LARGE1: variants seen among roughly 807,000 people sequenced by gnomAD.
LARGE1 encodes xylosyl- and glucuronyltransferase LARGE1.
In LARGE1, 43 loss-of-function variants were observed where a neutral mutation model predicts 87.6. That is an observed-to-expected ratio of 0.49 (90% CI 0.38 to 0.63). LARGE1 has a LOEUF of 0.63. LARGE1 is among the 30% of genes least tolerant of loss of function. The pLI, the probability that LARGE1 is intolerant of heterozygous loss-of-function variation, is 0.00. For synonymous variants in LARGE1, 434 were observed against 394.6 expected (o/e 1.10, Z -1.18); for missense variants, 802 against 1,000.2 (o/e 0.80, Z 2.67).
chr22:33,908,620 G>A (rs1362508642), intron 1 of LARGE1, among the ~76,000 whole-genome samples: 1 of 152,138 alleles, frequency 6.6e-6, no homozygotes, highest in Non-Finnish European at 1.5e-5. Flanking sequence ...GTCCCAATAT[G>A]ACAGCTGAAG....
At chr22:33,281,505 T>C (rs1930441790) in intron 13 of LARGE1, among the ~76,000 whole-genome samples, 2 of 152,320 alleles carry the variant, frequency 1.3e-5, no homozygotes, top group East Asian at 3.9e-4. Flanking sequence ...CTGTGTGTCA[T>C]TGGGCAAGTT....
chr22:33,740,979 T>C (rs998074091), intron 2 of LARGE1, among the ~76,000 whole-genome samples: 4 of 151,988 alleles, frequency 2.6e-5, no homozygotes, highest in Non-Finnish European at 2.9e-5. Flanking sequence ...CCCAGAAGAG[T>C]AGGCCTTGTG....
chr22:33,373,581 C>T (rs1173511300), intron 9 of LARGE1, among the ~76,000 whole-genome samples: 6 of 152,096 alleles, frequency 3.9e-5, no homozygotes, highest in African/African-American at 1.4e-4. Flanking sequence ...GTCTTTCTAC[C>T]CTTGAGAAGG....
At chr22:33,581,716 G>C (rs2078523623) in intron 5 of LARGE1, among the ~76,000 whole-genome samples, 1 of 151,622 alleles carries the variant, frequency 6.6e-6, no homozygotes, top group Non-Finnish European at 1.5e-5. Flanking sequence ...GGAAGCTGAG[G>C]CAGGAGAATT....
chr22:33,562,070 G>A (rs1281108533), intron 6 of LARGE1, among the ~76,000 whole-genome samples: 2 of 152,192 alleles, frequency 1.3e-5, no homozygotes, highest in Non-Finnish European at 2.9e-5. Context: ...GGATGTCAAC[G>A]ACAATTGCCT....
At position 33,754,018 on chromosome 22, in the gene LARGE1, C is replaced by T. The variant is rs76194392; in HGVS notation, c.106+7353G>A. Among the ~76,000 whole-genome samples the T allele has an allele frequency of 3.6e-3, 546 of 152,030 alleles. 21 individuals carry two copies. In the East Asian group the frequency reaches 0.076, roughly 21 times the overall value. On this transcript the variant is annotated intron_variant, in intron 2 of 14. Coordinates refer to ENST00000397394, the MANE Select transcript of LARGE1 (RefSeq NM_133642.5). ...CGGAGGTTGCAATGAGCTGAGATTGCGCCACTGCACTCCATCCTGGGCAAT... is the reference window on the plus strand; with the variant it reads ...CGGAGGTTGCAATGAGCTGAGATTGTGCCACTGCACTCCATCCTGGGCAAT...
At chr22:33,703,534 T>A (rs62225377) in intron 2 of LARGE1, among the ~76,000 whole-genome samples, 11,127 of 152,212 alleles carry the variant, frequency 0.073, 444 homozygotes, top group Middle Eastern at 0.12. Flanking sequence ...GATCCCAGAT[T>A]ATCCTGCTGG....
chr22:33,257,403 A>T (rs990343150), intron 11 of LARGE1, among the ~76,000 whole-genome samples: 1 of 151,562 alleles, frequency 6.6e-6, no homozygotes, highest in African/African-American at 2.4e-5. Context: ...ACACACCTGT[A>T]GTCCTAGCTA....
rs1569266725 is a variant in LARGE1, at chr22:33,556,538, A to AG, written c.787+8309dup. Reference sequence around the variant, plus strand: ...AGGAAGGGAGGGAGGGAGGGAGGGAAGGAGGGAGGGAGGGAGGGAGGGAGG... The same window carrying AG: ...AGGAAGGGAGGGAGGGAGGGAGGGAAGGGAGGGAGGGAGGGAGGGAGGGAGG... On this transcript the variant is annotated intron_variant, in intron 6 of 14. Transcript: ENST00000397394. Among the ~76,000 whole-genome samples, 149 of 72,552 alleles carry AG rather than the reference A, an allele frequency of 2.1e-3. 1 individual carries two copies. Among genetic ancestry groups the AG allele is most frequent in the Admixed American group, 4.7e-3 (33 of 7,016 alleles). The allele number at this position is 72,552 out of a possible 152,430, so 47.6% of individuals were successfully genotyped here. A position where few individuals can be genotyped will look rare whatever the true frequency, so the allele number is the denominator to read the frequency against.
Position 33,274,569 on chromosome 22 carries a change from G to T in LARGE1, c.2129C>A (p.Pro710His). The change falls in exon 15 of 15, where the codon CCC becomes CAC. Residue 710 changes from proline to histidine, a missense_variant. Physicochemically the swap from Pro to His is moderately conservative, Grantham distance 77. Around this residue, in one of 2 missense-constraint regions of LARGE1, gnomAD observed 625 missense variants for 841.9 expected, o/e 0.74. Coordinates refer to ENST00000397394, the MANE Select transcript of LARGE1 (RefSeq NM_133642.5). ...NAYMIHMPHAPSFDITKFRSN... is the reference protein window; with the variant it reads ...NAYMIHMPHAHSFDITKFRSN... ...ACGGAACTTGGTAATGTCGAAGCTG[G>T]GGGCATGAGGCATGTGGATCATGTA... 1 of 1,614,184 alleles carries T rather than the reference G, an allele frequency of 6.2e-7. No homozygotes were observed. The highest frequency in any genetic ancestry group is 8.5e-7 in the Non-Finnish European group (1 of 1,180,028).
intron 6 of LARGE1, among the ~76,000 whole-genome samples, chr22:33,464,902 CACACAT>C (rs1188504922): frequency 0.017 from 2,551 of 146,428 alleles, 60 homozygotes; most frequent in African/African-American, 0.067. Flanking sequence ...TACACACACA[CACACAT>C]ACACATGCAC....
chr22:33,204,264 C>T (rs969539414), intron 11 of LARGE1, among the ~76,000 whole-genome samples: 3 of 151,976 alleles, frequency 2.0e-5, no homozygotes, highest in Admixed American at 6.6e-5. Context: ...ACTCATTTCA[C>T]CACCAGAGAA....
intron 2 of LARGE1, among the ~76,000 whole-genome samples, chr22:33,665,282 ATT>A (rs2081235527): frequency 6.6e-6 from 1 of 152,070 alleles, no homozygotes; most frequent in Non-Finnish European, 1.5e-5. Flanking sequence ...TTTCCTTTTT[ATT>A]TGCCTGTCTC....
chr22:33,268,017 G>A (rs370403401), downstream of LARGE1, among the ~76,000 whole-genome samples: 12 of 151,028 alleles, frequency 7.9e-5, no homozygotes, highest in East Asian at 5.8e-4. Context: ...GTTCAGTGGC[G>A]CGATCTCGGC....
At chr22:33,217,058 C>T (rs1925240122) in intron 11 of LARGE1, among the ~76,000 whole-genome samples, 1 of 152,164 alleles carries the variant, frequency 6.6e-6, no homozygotes, top group Non-Finnish European at 1.5e-5. Flanking sequence ...GGGACTCTTT[C>T]ATGAAGGCTA....
chr22:33,147,335 A>C, the LARGE1 span, among the ~76,000 whole-genome samples: 1 of 152,224 alleles, frequency 6.6e-6, no homozygotes, highest in Non-Finnish European at 1.5e-5. Flanking sequence ...CAGATTTTTC[A>C]AAGTAATAGA....
At chr22:33,597,279 A>G (rs1015187512) in intron 5 of LARGE1, among the ~76,000 whole-genome samples, 62 of 22,676 alleles carry the variant, frequency 2.7e-3, no homozygotes, top group Middle Eastern at 0.024. Context: ...CTAATTCATG[A>G]AAAAAAAAAA....
At position 33,450,286 on chromosome 22, in the gene LARGE1, AT is replaced by A. The variant is rs199788880; in HGVS notation, c.788-18022del. Among the ~76,000 whole-genome samples the A allele has an allele frequency of 2.1e-3, 326 of 152,180 alleles. 9 individuals carry two copies. In the East Asian group the frequency reaches 0.051, roughly 24 times the overall value. On this transcript the variant is annotated intron_variant, in intron 6 of 14. Transcript: ENST00000397394. The stretch of plus-strand genomic sequence containing the variant: ...TCAGAGTTGCAAGGGCCTGTAGGAT[AT>A]TTTGGACCAAACTTCTCATTTGAAT...
chr22:33,674,182 G>A (rs1156982922), intron 2 of LARGE1, among the ~76,000 whole-genome samples: 1 of 152,032 alleles, frequency 6.6e-6, no homozygotes, highest in Non-Finnish European at 1.5e-5. Context: ...GACCTCATGT[G>A]ATCTACCTGC....
Sources: allele counts gnomAD v4.1 joint callset (sites outside exome capture counted in the v4.1 genomes callset), GRCh38; gene constraint gnomAD v4.1.1; regional missense constraint gnomAD v4.1.1; transcripts MANE v1.5; gene names NCBI Gene and HGNC (gene_info 2026-07-23, HGNC 2026-07-21).